The following SLC5A3 variants were observed in gnomAD, a reference collection of about 807,000 sequenced individuals.
The protein encoded by SLC5A3 is sodium/myo-inositol cotransporter.
A neutral mutation model predicts 43.2 loss-of-function variants in SLC5A3; 10 were observed. The ratio of observed to expected loss-of-function variants is 0.23; its 90% CI spans 0.14 to 0.39. The LOEUF (loss-of-function observed/expected upper bound fraction) is 0.39, where lower values mean the gene tolerates loss of function less well. SLC5A3 is among the 10% of genes least tolerant of loss of function. The pLI is 1.00. For synonymous variants in SLC5A3, 349 were observed against 322.0 expected (o/e 1.08, Z -0.90); for missense variants, 608 against 893.4 (o/e 0.68, Z 4.07).
chr21:34,104,820 G>T lies in SLC5A3; in HGVS notation c.*7465G>T. ...GTTAATCCTACGTACTATGTGTTCTGTACCTTTACATGTTTTTAAATTTAA... is the reference window on the plus strand; with the variant it reads ...GTTAATCCTACGTACTATGTGTTCTTTACCTTTACATGTTTTTAAATTTAA... On this transcript the variant is annotated 3_prime_UTR_variant, in exon 2 of 2. Transcript: ENST00000381151. 1 of 1,000,002 alleles carries T rather than the reference G, an allele frequency of 1.0e-6. No individual in the cohort carries two copies. Among genetic ancestry groups the T allele is most frequent in the Non-Finnish European group, 1.2e-6 (1 of 829,750 alleles). 61.9% of individuals were successfully genotyped at this position (1,000,002 alleles called of 1,614,324 possible).
At chr21:34,090,035 C>G (rs1239342610) in intron 1 of SLC5A3, among the ~76,000 whole-genome samples, 1 of 152,126 alleles carries the variant, frequency 6.6e-6, no homozygotes, top group African/African-American at 2.4e-5. Context: ...ACCCAAAATG[C>G]TCCAGTGAGC....
chr21:34,099,823 ATC>A lies in SLC5A3; in HGVS notation c.*2469_*2470del. ...ATTGTTTATTCTTGCCAGTATAAAC[ATC>A]ATTTTATTTAGACTAAAGTCCCTGA... On this transcript the variant is annotated 3_prime_UTR_variant, in exon 2 of 2. Coordinates refer to ENST00000381151, the MANE Select transcript of SLC5A3 (RefSeq NM_006933.7). The A allele has an allele frequency of 1.6e-6, 1 of 635,456 alleles. No homozygotes were observed. The highest frequency in any genetic ancestry group is 2.0e-6 in the Non-Finnish European group (1 of 497,576). 39.4% of individuals were successfully genotyped at this position (635,456 alleles called of 1,614,324 possible).
chr21:34,105,574 TG>T lies in SLC5A3; in HGVS notation c.*8220del. The T allele has an allele frequency of 1.0e-6, 1 of 1,000,206 alleles. No homozygotes were observed. The highest frequency in any genetic ancestry group is 1.2e-6 in the Non-Finnish European group (1 of 829,932). 62.0% of individuals were successfully genotyped at this position (1,000,206 alleles called of 1,614,324 possible). On this transcript the variant is annotated 3_prime_UTR_variant, in exon 2 of 2. Transcript: ENST00000381151. Reference sequence around the variant, plus strand: ...CTTATGATGCTTTGTTCAGATTTTTTGTAAGAGACCAGTTAGTACACTGGGG... The same window carrying T: ...CTTATGATGCTTTGTTCAGATTTTTTTAAGAGACCAGTTAGTACACTGGGG...
In SLC5A3 at chr21:34,100,858, T is replaced by A; in HGVS notation, c.*3503T>A. The A allele has an allele frequency of 2.0e-6, 2 of 1,000,228 alleles. No homozygotes were observed. Among genetic ancestry groups the A allele is most frequent in the Non-Finnish European group, 2.4e-6 (2 of 829,952 alleles). The allele number at this position is 1,000,228 out of a possible 1,614,324, so 62.0% of individuals were successfully genotyped here. ...GTTATTTTCATTCTTTACCACCAAA[T>A]AAAGCGGCTTATTAGCTACTCAGTT... On this transcript the variant is annotated 3_prime_UTR_variant, in exon 2 of 2. Transcript: ENST00000381151.
chr21:34,103,701 C>T lies in SLC5A3; in HGVS notation c.*6346C>T, dbSNP rs1337700447. 2 of 999,982 alleles carry T rather than the reference C, an allele frequency of 2.0e-6. No individual in the cohort carries two copies. Among genetic ancestry groups the T allele is most frequent in the Non-Finnish European group, 2.4e-6 (2 of 829,924 alleles). 61.9% of individuals were successfully genotyped at this position (999,982 alleles called of 1,614,324 possible). Reference sequence around the variant, plus strand: ...TGTCTCAGAGTTGCTATGAGCACTACAGTATTGATAAGCCCAAGACAATGC... The same window carrying T: ...TGTCTCAGAGTTGCTATGAGCACTATAGTATTGATAAGCCCAAGACAATGC... On this transcript the variant is annotated 3_prime_UTR_variant, in exon 2 of 2. Transcript: ENST00000381151.
At chr21:34,076,170 T>C (rs1989326026) in intron 1 of SLC5A3, among the ~76,000 whole-genome samples, 2 of 152,232 alleles carry the variant, frequency 1.3e-5, no homozygotes, top group South Asian at 2.1e-4. Flanking sequence ...ACTATAGTTT[T>C]CCAGCCTTTG....
chr21:34,102,079 G>A lies in SLC5A3; in HGVS notation c.*4724G>A. The A allele has an allele frequency of 1.0e-6, 1 of 999,884 alleles. No individual in the cohort carries two copies. The highest frequency in any genetic ancestry group is 4.7e-5 in the South Asian group (1 of 21,274). 61.9% of individuals were successfully genotyped at this position (999,884 alleles called of 1,614,324 possible). A position where few individuals can be genotyped will look rare whatever the true frequency, so the allele number is the denominator to read the frequency against. ...AGGTAATCTTTCGATTGCTAGACTTGGTTAACTTAGGGCTGCAAATCTTTT... is the reference window on the plus strand; with the variant it reads ...AGGTAATCTTTCGATTGCTAGACTTAGTTAACTTAGGGCTGCAAATCTTTT... On this transcript the variant is annotated 3_prime_UTR_variant, in exon 2 of 2. Coordinates refer to ENST00000381151, the MANE Select transcript of SLC5A3 (RefSeq NM_006933.7).
At chr21:34,078,953 TA>T (rs1375533685) in intron 1 of SLC5A3, among the ~76,000 whole-genome samples, 5 of 152,242 alleles carry the variant, frequency 3.3e-5, no homozygotes, top group African/African-American at 1.2e-4. Context: ...AGTTACCTCT[TA>T]GGGGAATCCT....
chr21:34,085,032 A>C (rs897296395), intron 1 of SLC5A3, among the ~76,000 whole-genome samples: 1 of 152,258 alleles, frequency 6.6e-6, no homozygotes, highest in Non-Finnish European at 1.5e-5. Flanking sequence ...CAAAACGGAC[A>C]TTGATACGAT....
chr21:34,096,180 A>G lies in SLC5A3; in HGVS notation c.982A>G (p.Ile328Val), dbSNP rs761508537. 9.3e-6 allele frequency: 15 copies of G among 1,614,202 alleles called. No individual in the cohort carries two copies. In the South Asian group the frequency reaches 1.2e-4, roughly 13 times the overall value. ...TTCCAGGATACTGTTTACTGATGAT[A>G]TAGCTTGCATCAACCCAGAGCACTG... ...MISRILFTDD[I>V]ACINPEHCML... Residue 328 changes from isoleucine (I) to valine (V), a missense_variant, in exon 2 of 2, where the codon ATA (isoleucine) becomes GTA (valine). Physicochemically the swap from Ile to Val is conservative, Grantham distance 29. Transcript: ENST00000381151. The surrounding 1 kb of genome is among the most constrained non-coding windows in gnomAD (Gnocchi z 5.9).
Position 34,104,862 on chromosome 21 carries a change from T to C in SLC5A3, c.*7507T>C, listed in dbSNP as rs1189769784. 3.0e-6 allele frequency: 3 copies of C among 1,000,036 alleles called. No individual in the cohort carries two copies. Among genetic ancestry groups the C allele is most frequent in the Non-Finnish European group, 3.6e-6 (3 of 829,856 alleles). 61.9% of individuals were successfully genotyped at this position (1,000,036 alleles called of 1,614,324 possible). On this transcript the variant is annotated 3_prime_UTR_variant, in exon 2 of 2. Coordinates refer to ENST00000381151, the MANE Select transcript of SLC5A3 (RefSeq NM_006933.7). ...TAAATTTAAGATAGTTTGTAAGAAC[T>C]GTACAAAAAAATGCTTCTGGAGATT...
chr21:34,094,643 C>T (rs2409515), intron 1 of SLC5A3, among the ~76,000 whole-genome samples: 152,355 of 152,356 alleles, frequency 1, 76,177 homozygotes, highest in Middle Eastern at 1. Flanking sequence ...AGATGAATTT[C>T]TGTCCTCAGC....
chr21:34,085,520 T>C lies in SLC5A3; in HGVS notation c.-336-9343T>C, dbSNP rs1978330457. On this transcript the variant is annotated intron_variant, in intron 1 of 1. Transcript: ENST00000381151. ...GTTTTAGCATCTGTTGGTGACTGAA[T>C]CAGTTATTGCAGGAGTACTTTAAAG... is the stretch of plus-strand genomic sequence containing the variant. Among the ~76,000 whole-genome samples the C allele has an allele frequency of 2.0e-5, 3 of 152,154 alleles. No individual in the cohort carries two copies. In the South Asian group the frequency reaches 6.2e-4, roughly 31 times the overall value.
rs1401516213 is a variant in SLC5A3, at chr21:34,097,774, C to A, written c.*419C>A. The A allele has an allele frequency of 2.0e-6, 2 of 1,000,628 alleles. No homozygotes were observed. The highest frequency in any genetic ancestry group is 2.4e-6 in the Non-Finnish European group (2 of 830,010). The allele number at this position is 1,000,628 out of a possible 1,614,324, so 62.0% of individuals were successfully genotyped here. On this transcript the variant is annotated 3_prime_UTR_variant, in exon 2 of 2. Transcript: ENST00000381151. ...TTTCTGTCTCTGTAATCCCTCCTAC[C>A]ATTAAGAAAAACTTATTTCTTAGAC...
Position 34,103,403 on chromosome 21 carries a change from G to T in SLC5A3, c.*6048G>T. ...AGTGAAACCAGGTAGTTCTGTATTT[G>T]TGTTGTAGCCTAAATGTTGTTTCTT... is the stretch of plus-strand genomic sequence containing the variant. On this transcript the variant is annotated 3_prime_UTR_variant, in exon 2 of 2. Coordinates refer to ENST00000381151, the MANE Select transcript of SLC5A3 (RefSeq NM_006933.7). 1 of 994,886 alleles carries T rather than the reference G, an allele frequency of 1.0e-6. No homozygotes were observed. Among genetic ancestry groups the T allele is most frequent in the Non-Finnish European group, 1.2e-6 (1 of 827,316 alleles). 61.6% of individuals were successfully genotyped at this position (994,886 alleles called of 1,614,324 possible).
At position 34,103,821 on chromosome 21, in the gene SLC5A3, A is replaced by G. The variant is rs1317550885; in HGVS notation, c.*6466A>G. 3 of 1,000,042 alleles carry G rather than the reference A, an allele frequency of 3.0e-6. No homozygotes were observed. The highest frequency in any genetic ancestry group is 4.7e-5 in the South Asian group (1 of 21,294). The allele number at this position is 1,000,042 out of a possible 1,614,324, so 61.9% of individuals were successfully genotyped here. On this transcript the variant is annotated 3_prime_UTR_variant, in exon 2 of 2. Transcript: ENST00000381151. ...GGAGGGAGAGAATATAAATGTCAAGAATGCCAAAATTATATTTGGGGGTTA... is the reference window on the plus strand; with the variant it reads ...GGAGGGAGAGAATATAAATGTCAAGGATGCCAAAATTATATTTGGGGGTTA...
rs532944323 is a variant in SLC5A3 at position 34,097,967 on chromosome 21, T to G, written c.*612T>G. On this transcript the variant is annotated 3_prime_UTR_variant, in exon 2 of 2. Coordinates refer to ENST00000381151, the MANE Select transcript of SLC5A3 (RefSeq NM_006933.7). Reference sequence around the variant, plus strand: ...TTTTGTACCACCAGTATATGGAATGTTAGGGAAAAACTTTGTTCCAGTTCC... The same window carrying G: ...TTTTGTACCACCAGTATATGGAATGGTAGGGAAAAACTTTGTTCCAGTTCC... 1.9e-5 allele frequency: 19 copies of G among 997,182 alleles called. No individual in the cohort carries two copies. The East Asian group carries it at 2.0e-3, about 107-fold the overall frequency. 61.8% of individuals were successfully genotyped at this position (997,182 alleles called of 1,614,324 possible).
At position 34,100,196 on chromosome 21, in the gene SLC5A3, C is replaced by T. The variant is rs967585998; in HGVS notation, c.*2841C>T. On this transcript the variant is annotated 3_prime_UTR_variant, in exon 2 of 2. Coordinates refer to ENST00000381151, the MANE Select transcript of SLC5A3 (RefSeq NM_006933.7). ...TTGGAAGGTAGAGAAAAATAAATGT[C>T]TTACCAGGTGTTAATGGTATCCCCA... 4 of 1,000,080 alleles carry T rather than the reference C, an allele frequency of 4.0e-6. No homozygotes were observed. The highest frequency in any genetic ancestry group is 1.1e-4 in the East Asian group (1 of 8,834). The allele number at this position is 1,000,080 out of a possible 1,614,324, so 62.0% of individuals were successfully genotyped here.
Position 34,095,864 on chromosome 21 carries a change from C to T in SLC5A3, c.666C>T (p.Pro222=), listed in dbSNP as rs752298091. ...AGAGAAGGTACATGTTGGCCTCACC[C>T]GATGTCACTTCCATCTTATTGACAT... ...EVKRRYMLAS[P]DVTSILLTYN... The change falls in exon 2 of 2, where the codon CCC becomes CCT. Residue 222 remains proline (P), a synonymous_variant. Transcript: ENST00000381151. 38 of 1,613,912 alleles carry T rather than the reference C, an allele frequency of 2.4e-5. No individual in the cohort carries two copies. The highest frequency in any genetic ancestry group is 4.5e-5 in the East Asian group (2 of 44,886).
Sources: allele counts gnomAD v4.1 joint callset (sites outside exome capture counted in the v4.1 genomes callset), GRCh38; gene constraint gnomAD v4.1.1; non-coding constraint Gnocchi (gnomAD v3.1); transcripts MANE v1.5; gene names NCBI Gene and HGNC (gene_info 2026-07-23, HGNC 2026-07-21).